The following TMEM268 variants were observed in gnomAD, a reference collection of about 807,000 sequenced individuals.
TMEM268 encodes the protein transmembrane protein 268, also known as transmembrane protein C9orf91.
TMEM268 carries 24 observed loss-of-function variants against 39.1 expected under a neutral mutation model. The observed-to-expected ratio is 0.61, with a 90% confidence interval of 0.44 to 0.86. The LOEUF is 0.86. TMEM268 is among the 40% of genes least tolerant of loss of function. The pLI is 0.00. For missense variants in TMEM268, 409 were observed against 428.6 expected (o/e 0.95, Z 0.40); for synonymous variants, 176 against 173.5 (o/e 1.01, Z -0.12).
intron 7 of TMEM268, among the ~76,000 whole-genome samples, chr9:114,637,338 A>G (rs10817649): frequency 0.28 from 40,517 of 144,474 alleles, 5,875 homozygotes; most frequent in South Asian, 0.4. Flanking sequence ...AGTTGCCCAG[A>G]CTGGAGTGCA....
intron 1 of TMEM268, among the ~76,000 whole-genome samples, chr9:114,616,240 C>T (rs2133597300): frequency 6.6e-6 from 1 of 152,070 alleles, no homozygotes; most frequent in African/African-American, 2.4e-5. Flanking sequence ...TGGTCTCGAT[C>T]TCCTGACCTC....
intron 8 of TMEM268, among the ~76,000 whole-genome samples, 175 bp from the exon 9 acceptor site, chr9:114,642,959 G>C (rs1827418990): frequency 6.6e-6 from 1 of 152,194 alleles, no homozygotes; most frequent in Non-Finnish European, 1.5e-5. Context: ...TGGGCTTCTG[G>C]ACCAGGCTGG....
chr9:114,643,023 C>G, intron 8 of TMEM268, 111 bp from the exon 9 acceptor site: 1 of 1,109,446 alleles, frequency 9.0e-7, no homozygotes, highest in African/African-American at 1.6e-5. Flanking sequence ...TAGAGAGCAT[C>G]ACTGCTGGGT....
chr9:114,605,804 C>T, the TMEM268 span, among the ~76,000 whole-genome samples: 1 of 151,828 alleles, frequency 6.6e-6, no homozygotes, highest in Admixed American at 6.6e-5. Flanking sequence ...GGTGGCGCTG[C>T]CTATAGTCTC....
chr9:114,634,139 C>T (rs556503420), intron 6 of TMEM268, among the ~76,000 whole-genome samples: 66 of 152,242 alleles, frequency 4.3e-4, no homozygotes, highest in African/African-American at 1.5e-3. Flanking sequence ...TTGCTGCTCA[C>T]CTGGCATTTA....
At chr9:114,624,235 CT>C in intron 2 of TMEM268, 114 bp from the exon 3 acceptor site, 1 of 1,489,764 alleles carries the variant, frequency 6.7e-7, no homozygotes, top group Non-Finnish European at 9.0e-7. Flanking sequence ...CGTGTCCCTC[CT>C]TGTTGCGAGG....
chr9:114,627,099 T>TCAGG, intron 4 of TMEM268, 93 bp downstream of exon 4: 1 of 927,674 alleles, frequency 1.1e-6, no homozygotes, highest in Admixed American at 1.9e-5. Context: ...TTGGTGTGGG[T>TCAGG]CAGGGGCTTG....
intron 1 of TMEM268, among the ~76,000 whole-genome samples, chr9:114,613,316 GCTA>G (rs1159939670): frequency 6.6e-6 from 1 of 152,226 alleles, no homozygotes; most frequent in East Asian, 1.9e-4. Flanking sequence ...AGTCTGAAAG[GCTA>G]CCTGTGCAAC....
chr9:114,616,900 G>A (rs1411331033), intron 1 of TMEM268, among the ~76,000 whole-genome samples: 3 of 152,122 alleles, frequency 2.0e-5, no homozygotes, highest in Non-Finnish European at 4.4e-5. Flanking sequence ...GACCAGAAGG[G>A]AAGTTCTCAG....
chr9:114,624,162 T>C, intron 2 of TMEM268, 188 bp from the exon 3 acceptor site: 2 of 1,312,578 alleles, frequency 1.5e-6, no homozygotes, highest in Non-Finnish European at 2.0e-6. Context: ...GCCTTAATTC[T>C]GCCTCCTGGG....
At chr9:114,631,282 C>CAAAAA (rs3035421) in intron 5 of TMEM268, among the ~76,000 whole-genome samples, 33 of 130,152 alleles carry the variant, frequency 2.5e-4, no homozygotes, top group Admixed American at 9.4e-4. Context: ...CAGCCTGCCT[C>CAAAAA]AAAAAAAAAA....
chr9:114,634,026 G>T (rs1053257317), intron 6 of TMEM268, 148 bp downstream of exon 6: 4 of 487,406 alleles, frequency 8.2e-6, no homozygotes, highest in Middle Eastern at 7.7e-4. Context: ...CTTCCTCCCT[G>T]CCCTGGTGTT....
chr9:114,620,479 G>C (rs962633652), intron 2 of TMEM268, among the ~76,000 whole-genome samples: 3 of 152,026 alleles, frequency 2.0e-5, no homozygotes, highest in Non-Finnish European at 4.4e-5. Context: ...AACCTCCTGG[G>C]CTCAAGTAAT....
intron 3 of TMEM268, among the ~76,000 whole-genome samples, chr9:114,625,983 T>C (rs545968271): frequency 3.3e-5 from 5 of 151,168 alleles, no homozygotes; most frequent in African/African-American, 1.2e-4. Flanking sequence ...CGTGCCACCA[T>C]GCCCAGCTAA....
At chr9:114,636,849 A>G in intron 6 of TMEM268, 141 bp from the exon 7 acceptor site, 2 of 598,904 alleles carry the variant, frequency 3.3e-6, no homozygotes, top group Non-Finnish European at 6.0e-6. Context: ...TTTTCTACCA[A>G]CCATACAAAT....
At chr9:114,609,221 G>C (rs1430889154), upstream of TMEM268, among the ~76,000 whole-genome samples, 1 of 152,156 alleles carries the variant, frequency 6.6e-6, no homozygotes, top group East Asian at 1.9e-4. Flanking sequence ...TGAGGTGGGA[G>C]AATCGCTTGA....
chr9:114,604,907 G>A, the TMEM268 span, among the ~76,000 whole-genome samples: 1 of 152,182 alleles, frequency 6.6e-6, no homozygotes, highest in Non-Finnish European at 1.5e-5. Flanking sequence ...CACAGAGCAA[G>A]GAAGTGACAG....
intron 8 of TMEM268, among the ~76,000 whole-genome samples, chr9:114,640,672 G>A (rs79110969): frequency 1.3e-5 from 2 of 152,196 alleles, no homozygotes; most frequent in Admixed American, 6.5e-5. Context: ...GTAAACTGGC[G>A]AGAAGACCAA....
Position 114,611,528 on chromosome 9 carries a change from CG to C in TMEM268, c.-111del. ...TCGGCGCCCCCGACCTTCCGCGTCC[CG>C]GGGTGGCGGCGGCGGCGGCGGCGGC... is the stretch of plus-strand genomic sequence containing the variant. On this transcript the variant is annotated 5_prime_UTR_variant, in exon 1 of 9. Transcript: ENST00000288502. 1 of 137,708 alleles carries C rather than the reference CG, an allele frequency of 7.3e-6. No individual in the cohort carries two copies. Among genetic ancestry groups the C allele is most frequent in the Non-Finnish European group, 1.4e-5 (1 of 72,296 alleles). 8.5% of individuals were successfully genotyped at this position (137,708 alleles called of 1,614,324 possible).
Sources: allele counts gnomAD v4.1 joint callset (sites outside exome capture counted in the v4.1 genomes callset), GRCh38; gene constraint gnomAD v4.1.1; transcripts MANE v1.5; gene names NCBI Gene and HGNC (gene_info 2026-07-23, HGNC 2026-07-21).